FRMD4A: variants seen among roughly 807,000 people sequenced by gnomAD.
FRMD4A encodes the protein FERM domain containing 4A.
Under a neutral mutation model 129.1 loss-of-function variants are expected in FRMD4A, and 29 were observed. That is an observed-to-expected ratio of 0.22 (90% confidence interval 0.17 to 0.31). The LOEUF is 0.31. FRMD4A is among the 10% of genes least tolerant of loss of function. The pLI is 1.00. For missense variants in FRMD4A, 1,272 were observed against 1,375.8 expected, an observed-to-expected ratio of 0.92 and a Z score of 1.19; for synonymous variants, 634 against 571.6, an observed-to-expected ratio of 1.11 and a Z score of -1.56.
At chr10:14,144,980 A>T (rs527911198) in intron 2 of FRMD4A, among the ~76,000 whole-genome samples, 4 of 152,300 alleles carry the variant, frequency 2.6e-5, no homozygotes, top group South Asian at 2.1e-4. Context: ...CATTTGACTG[A>T]TGCCTGGTGG....
chr10:13,905,984 A>G (rs2094878338), intron 2 of FRMD4A, among the ~76,000 whole-genome samples: 1 of 152,206 alleles, frequency 6.6e-6, no homozygotes, highest in Non-Finnish European at 1.5e-5. Flanking sequence ...TGAAATCAGA[A>G]TCATGGCACC....
intron 2 of FRMD4A, among the ~76,000 whole-genome samples, chr10:14,126,561 G>C (rs1406435426): frequency 7.4e-6 from 1 of 135,922 alleles, no homozygotes; most frequent in African/African-American, 2.6e-5. Context: ...ATGACCACCA[G>C]CAGCAGCTGG....
At chr10:14,160,223 T>A (rs1443196788) in intron 2 of FRMD4A, among the ~76,000 whole-genome samples, 1 of 152,100 alleles carries the variant, frequency 6.6e-6, no homozygotes, top group East Asian at 1.9e-4. Flanking sequence ...GGAACGAACA[T>A]CCTCTTTAAT....
intron 2 of FRMD4A, among the ~76,000 whole-genome samples, chr10:14,135,750 A>T (rs1485040756): frequency 6.6e-6 from 1 of 152,150 alleles, no homozygotes; most frequent in Non-Finnish European, 1.5e-5. Context: ...TCAAAAACCA[A>T]ATTAAACTAT....
In FRMD4A at chr10:13,798,660, T is replaced by G. The variant is rs560207147; in HGVS notation, c.207-2072A>C. 6.6e-5 allele frequency among the ~76,000 whole-genome samples: 10 copies of G among 152,272 alleles called. No homozygotes were observed. In the East Asian group the frequency reaches 1.9e-3, roughly 29 times the overall value. Reference sequence around the variant, plus strand: ...TGAACCTGGGAGGTGGAGCTTGCAGTGAGCCGAGATGGCGCCACCGCACTC... The same window carrying G: ...TGAACCTGGGAGGTGGAGCTTGCAGGGAGCCGAGATGGCGCCACCGCACTC... On this transcript the variant is annotated intron_variant, in intron 4 of 24. Coordinates refer to ENST00000357447, the MANE Select transcript of FRMD4A (RefSeq NM_018027.5).
At chr10:14,131,338 C>T (rs191226160) in intron 2 of FRMD4A, among the ~76,000 whole-genome samples, 181 of 152,162 alleles carry the variant, frequency 1.2e-3, no homozygotes, top group African/African-American at 4.3e-3. Flanking sequence ...CAGAAGATGG[C>T]AGAGTAGAAG....
intron 2 of FRMD4A, among the ~76,000 whole-genome samples, chr10:13,872,061 G>A (rs112737994): frequency 4.9e-4 from 75 of 152,378 alleles, no homozygotes; most frequent in African/African-American, 1.6e-3. Context: ...TCGTAGAGTT[G>A]TGATGAGGAA....
intron 8 of FRMD4A, among the ~76,000 whole-genome samples, chr10:13,749,425 G>A (rs907943622): frequency 4.6e-5 from 7 of 152,126 alleles, no homozygotes; most frequent in Admixed American, 1.3e-4. Context: ...AAGGAATACC[G>A]CAGCCATAGA....
chr10:13,781,341 C>T (rs1440474883), intron 6 of FRMD4A, among the ~76,000 whole-genome samples: 8 of 108,186 alleles, frequency 7.4e-5, no homozygotes, highest in Middle Eastern at 5.4e-3. Flanking sequence ...GAAGGAAATT[C>T]TGATACACGC....
intron 6 of FRMD4A, among the ~76,000 whole-genome samples, chr10:13,773,129 G>A (rs1475704566): frequency 6.6e-6 from 1 of 152,114 alleles, no homozygotes; most frequent in African/African-American, 2.4e-5. Flanking sequence ...AGTAAACATG[G>A]TAAGTATGTC....
chr10:14,064,943 A>G (rs1440655410), intron 2 of FRMD4A, among the ~76,000 whole-genome samples: 9 of 152,218 alleles, frequency 5.9e-5, no homozygotes, highest in Non-Finnish European at 1.2e-4. Context: ...AGGCAATATT[A>G]GAATGCAAAA....
chr10:13,948,644 G>T (rs2095349901), intron 2 of FRMD4A, among the ~76,000 whole-genome samples: 1 of 114,986 alleles, frequency 8.7e-6, no homozygotes, highest in Non-Finnish European at 1.6e-5. Flanking sequence ...CCATGGAAAA[G>T]AGGATTTTTT....
chr10:14,090,468 C>A (rs1766562941), intron 2 of FRMD4A, among the ~76,000 whole-genome samples: 1 of 152,180 alleles, frequency 6.6e-6, no homozygotes, highest in African/African-American at 2.4e-5. Context: ...CCGTGGGCAT[C>A]ATGGAAACAG....
At chr10:13,922,236 C>T (rs1184925853) in intron 2 of FRMD4A, among the ~76,000 whole-genome samples, 1 of 151,996 alleles carries the variant, frequency 6.6e-6, no homozygotes, top group East Asian at 1.9e-4. Context: ...ATTGCAGCCC[C>T]AGCTCATGAT....
At chr10:14,096,476 C>A (rs189278609) in intron 2 of FRMD4A, among the ~76,000 whole-genome samples, 6 of 152,326 alleles carry the variant, frequency 3.9e-5, no homozygotes, top group African/African-American at 1.4e-4. Flanking sequence ...AAATCCCACT[C>A]GATGTAGGGA....
intron 2 of FRMD4A, among the ~76,000 whole-genome samples, chr10:14,306,955 A>G (rs1417167553): frequency 2.6e-5 from 4 of 152,202 alleles, no homozygotes; most frequent in Admixed American, 6.5e-5. Flanking sequence ...ATAATCCTAT[A>G]AAGAAAACAT....
rs1197628483 is a variant in FRMD4A, at chr10:13,666,325, C to T, written c.1375G>A (p.Glu459Lys). 2 of 1,610,212 alleles carry T rather than the reference C, an allele frequency of 1.2e-6. No individual in the cohort carries two copies. Among genetic ancestry groups the T allele is most frequent in the African/African-American group, 1.3e-5 (1 of 74,842 alleles). ...CGTTCCAGGCGTTCCAGCTCAGCTT[C>T]CTGTGGGAGGGAAAGCACCGGTTTG... ...DEQKILPKGE[E>K]AELERLEREF... The change falls in exon 18 of 25, where the codon GAA (glutamate) becomes AAA (lysine). Residue 459 changes from glutamate to lysine, a missense_variant and splice_region_variant. Around this residue, in one of 2 missense-constraint regions of FRMD4A, gnomAD observed 972 missense variants for 892.3 expected, o/e 1.09. Transcript: ENST00000357447.
At chr10:13,794,462 G>C (rs1164497856) in intron 5 of FRMD4A, among the ~76,000 whole-genome samples, 1 of 151,342 alleles carries the variant, frequency 6.6e-6, no homozygotes, top group Non-Finnish European at 1.5e-5. Context: ...TGTAGCCTAT[G>C]TGACTGAGTG....
intron 12 of FRMD4A, among the ~76,000 whole-genome samples, chr10:13,716,267 T>G (rs547111159): frequency 9.2e-5 from 14 of 152,324 alleles, no homozygotes; most frequent in African/African-American, 3.4e-4. Flanking sequence ...TTGACCATTT[T>G]CCTGTTATGA....
Sources: gnomAD v4.1 joint callset for allele counts (sites outside exome capture counted in the v4.1 genomes callset) on GRCh38, gnomAD v4.1.1 for gene constraint, gnomAD v4.1.1 regional missense constraint, MANE v1.5 for transcripts, NCBI Gene and HGNC (gene_info 2026-07-23, HGNC 2026-07-21) for gene names.